NCOR2: variants seen among roughly 807,000 people sequenced by gnomAD.
NCOR2 encodes the protein CTG repeat protein 26.
A neutral mutation model predicts 262.9 loss-of-function variants in NCOR2; 81 were observed. The observed-to-expected ratio is 0.31, with a 90% CI of 0.26 to 0.37. The LOEUF is 0.37. Among genes scored for constraint, NCOR2 ranks in the 10% least tolerant of loss-of-function variants. The probability of loss-of-function intolerance (pLI) is 1.00; values close to 1 mark genes in which losing one functional copy is unlikely to be tolerated. For missense variants in NCOR2, 3,385 were observed against 3,621.4 expected (o/e 0.93, Z 1.68); for synonymous variants, 1,659 against 1,559.3 (o/e 1.06, Z -1.51).
chr12:124,557,824 G>A (rs974285534), intron 1 of NCOR2, among the ~76,000 whole-genome samples: 2 of 152,054 alleles, frequency 1.3e-5, no homozygotes, highest in African/African-American at 2.4e-5. Flanking sequence ...AGGAGCCACC[G>A]CCACACAGAA....
intron 1 of NCOR2, among the ~76,000 whole-genome samples, chr12:124,547,895 T>C (rs2051588711): frequency 6.6e-6 from 1 of 152,244 alleles, no homozygotes; most frequent in Non-Finnish European, 1.5e-5. Flanking sequence ...AGACCAATCA[T>C]ATATTTTTAT....
chr12:124,340,453 C>A lies in NCOR2; in HGVS notation c.5339-10G>T. On this transcript the variant is annotated splice_polypyrimidine_tract_variant and intron_variant, in intron 35 of 46. Transcript: ENST00000405201. ...AAGTGTGTTGGACCTCCTAGGAAAC[C>A]CAAAGGCCAGAGACTCAGCCCCAGG... 6.2e-7 allele frequency: 1 copy of A among 1,610,898 alleles called. No homozygotes were observed.
intron 14 of NCOR2, among the ~76,000 whole-genome samples, chr12:124,401,895 T>A (rs1054706404): frequency 6.6e-6 from 1 of 152,236 alleles, no homozygotes. Flanking sequence ...CTGCAGCCCC[T>A]GGCAGGCACA....
At position 124,341,199 on chromosome 12, in the gene NCOR2, T is replaced by C. The variant is rs540479000; in HGVS notation, c.5189-448A>G. On this transcript the variant is annotated intron_variant, in intron 34 of 46. Transcript: ENST00000405201. Reference sequence around the variant, plus strand: ...TGCACGCAAAGCAGCTGTGGGCTGTTTACAAGGCAAAGGAACAAACTCCAA... The same window carrying C: ...TGCACGCAAAGCAGCTGTGGGCTGTCTACAAGGCAAAGGAACAAACTCCAA... Among the ~76,000 whole-genome samples the C allele has an allele frequency of 7.9e-5, 12 of 152,310 alleles. 1 individual carries two copies. In the South Asian group the frequency reaches 2.5e-3, roughly 32 times the overall value.
rs370995260 is a variant in NCOR2 at position 124,340,246 on chromosome 12, G to A, written c.5489-42C>T. ...GCATCAGCAGGGGGAGGCCTCTTGCGGCCCACAAGGAGTCCCGGAGCGGGG... is the reference window on the plus strand; with the variant it reads ...GCATCAGCAGGGGGAGGCCTCTTGCAGCCCACAAGGAGTCCCGGAGCGGGG... On this transcript the variant is annotated intron_variant, in intron 36 of 46. Transcript: ENST00000405201. 72 of 1,605,768 alleles carry A rather than the reference G, an allele frequency of 4.5e-5. 1 individual carries two copies. The highest frequency in any genetic ancestry group is 2.5e-4 in the African/African-American group (19 of 74,998).
At chr12:124,356,854 C>G in intron 22 of NCOR2, 72 bp from the exon 25 acceptor site, 1 of 1,403,786 alleles carries the variant, frequency 7.1e-7, no homozygotes, top group Non-Finnish European at 9.3e-7. Context: ...CCTGGCTGAC[C>G]CTACACAAAT....
At chr12:124,420,684 C>G (rs886624883) in intron 12 of NCOR2, among the ~76,000 whole-genome samples, 1 of 152,224 alleles carries the variant, frequency 6.6e-6, no homozygotes, top group African/African-American at 2.4e-5. Flanking sequence ...CCAAATGGGA[C>G]GAGTAAAAGG....
chr12:124,462,177 G>A (rs2046199579), intron 5 of NCOR2, among the ~76,000 whole-genome samples: 1 of 152,080 alleles, frequency 6.6e-6, no homozygotes, highest in Non-Finnish European at 1.5e-5. Context: ...GTACCCACAG[G>A]CACACAAACC....
intron 1 of NCOR2, among the ~76,000 whole-genome samples, chr12:124,524,091 G>C (rs1433303649): frequency 3.3e-5 from 5 of 152,314 alleles, no homozygotes; most frequent in African/African-American, 7.2e-5. Flanking sequence ...CCAGATCACA[G>C]TGGGGACAAA....
chr12:124,340,803 G>A (rs1196865633), intron 34 of NCOR2, 52 bp from the exon 37 acceptor site: 3 of 1,440,822 alleles, frequency 2.1e-6, no homozygotes, highest in Non-Finnish European at 2.7e-6. Context: ...GAGAGGCCAG[G>A]CTGCCCACCG....
In NCOR2 at chr12:124,566,799, AGG is replaced by A. The variant is rs1328785608; in HGVS notation, c.-165+507_-165+508del. The stretch of plus-strand genomic sequence containing the variant: ...CGTGGCCCCACGCCTAGGAGGGACA[AGG>A]CTGGCTCTCCCCCTCGGCTGGTGAG... On this transcript the variant is annotated intron_variant, in intron 1 of 32. Coordinates refer to the NCOR2 transcript ENST00000458234. The surrounding 1 kb of genome is among the most constrained non-coding windows in gnomAD (Gnocchi z 4.3). Among the ~76,000 whole-genome samples, 24 of 152,152 alleles carry A rather than the reference AGG, an allele frequency of 1.6e-4. No individual in the cohort carries two copies. Among genetic ancestry groups the A allele is most frequent in the Non-Finnish European group, 3.2e-4 (22 of 68,002 alleles).
chr12:124,553,613 G>A (rs1409970997), intron 1 of NCOR2, among the ~76,000 whole-genome samples: 1 of 152,208 alleles, frequency 6.6e-6, no homozygotes, highest in Admixed American at 6.5e-5. Flanking sequence ...TGATGAAAAC[G>A]TGATCAGACA....
intron 16 of NCOR2, among the ~76,000 whole-genome samples, chr12:124,396,872 G>C (rs1257682842): frequency 6.6e-6 from 1 of 152,182 alleles, no homozygotes; most frequent in African/African-American, 2.4e-5. Flanking sequence ...TATGTGCCAA[G>C]AGCGTTTGCT....
intron 37 of NCOR2, 101 bp downstream of exon 39, chr12:124,339,905 A>ACCC: frequency 6.1e-6 from 1 of 163,606 alleles, no homozygotes; most frequent in South Asian, 3.9e-5. Flanking sequence ...CCACCCACCC[A>ACCC]CCTCCCATAT....
At chr12:124,445,735 A>G (rs1315644974) in intron 7 of NCOR2, among the ~76,000 whole-genome samples, 1 of 152,178 alleles carries the variant, frequency 6.6e-6, no homozygotes, top group African/African-American at 2.4e-5. Context: ...CTCCCCTACT[A>G]GAATGTCAGG....
chr12:124,388,701 C>G (rs903495600), intron 16 of NCOR2: 1 of 1,304,360 alleles, frequency 7.7e-7, no homozygotes. Flanking sequence ...TCATTCGCGT[C>G]TCCCCCTCGG....
chr12:124,416,520 GGCGGCACAGGGAGACCCC>G (rs1416017498), intron 13 of NCOR2, among the ~76,000 whole-genome samples: 17 of 150,694 alleles, frequency 1.1e-4, no homozygotes, highest in African/African-American at 2.4e-4. Context: ...CAGGGAGACC[GGCGGCACAGGGAGACCCC>G]GCGGCACAGG....
chr12:124,349,530 C>T (rs913091146), intron 28 of NCOR2, among the ~76,000 whole-genome samples: 9 of 152,128 alleles, frequency 5.9e-5, no homozygotes, highest in African/African-American at 1.7e-4. Flanking sequence ...GACCGGTGGC[C>T]GCAGGGGAGT....
chr12:124,358,573 G>A (rs931386694), intron 22 of NCOR2, among the ~76,000 whole-genome samples: 3 of 152,190 alleles, frequency 2.0e-5, no homozygotes, highest in African/African-American at 7.2e-5. Context: ...CTCCGGTTAA[G>A]CTCACACAGA....
Sources: gnomAD v4.1 joint callset for allele counts (sites outside exome capture counted in the v4.1 genomes callset) on GRCh38, gnomAD v4.1.1 for gene constraint, Gnocchi (gnomAD v3.1) non-coding constraint, MANE v1.5 for transcripts, NCBI Gene and HGNC (gene_info 2026-07-23, HGNC 2026-07-21) for gene names.